Variants in MLLT11 observed in about 807,000 individuals in gnomAD.
MLLT11 encodes MLLT11 transcription factor 7 cofactor, also known as protein AF1q.
A neutral mutation model predicts 5.3 loss-of-function variants in MLLT11; 1 was observed. The observed-to-expected ratio is 0.19, with a 90% confidence interval of 0.07 to 0.89. The LOEUF (loss-of-function observed/expected upper bound fraction) is 0.89, where lower values mean the gene tolerates loss of function less well. MLLT11 is among the 40% of genes least tolerant of loss of function. MLLT11 has a pLI of 0.67. For synonymous variants in MLLT11, 38 were observed against 41.7 expected (o/e 0.91, Z 0.34); for missense variants, 87 against 107.3 (o/e 0.81, Z 0.83).
Position 151,068,990 on chromosome 1 carries a change from A to G in MLLT11, c.*1493A>G, listed in dbSNP as rs1676519698. 6.6e-6 allele frequency among the ~76,000 whole-genome samples: 1 copy of G among 152,240 alleles called. No individual in the cohort carries two copies. The highest frequency in any genetic ancestry group is 2.4e-5 in the African/African-American group (1 of 41,460). ...GCATTGAACAGATAATGAAAGGGCA[A>G]AATCAACTTAAAATTAGAAAAGTAG... On this transcript the variant is annotated 3_prime_UTR_variant, in exon 2 of 2. Transcript: ENST00000368921.
intron 1 of MLLT11, among the ~76,000 whole-genome samples, chr1:151,064,922 T>A (rs1676455148): frequency 6.6e-6 from 1 of 152,172 alleles, no homozygotes; most frequent in Admixed American, 6.5e-5. Context: ...TGGGAAGCAT[T>A]TATTGAATAT....
rs1411077671 is a variant in MLLT11, at chr1:151,067,748, C to G, written c.*251C>G. ...GGTCACAGGGATTCCTCCTTTCCCCCCCAAATATTAACTCCAGAAACTAGG... is the reference window on the plus strand; with the variant it reads ...GGTCACAGGGATTCCTCCTTTCCCCGCCAAATATTAACTCCAGAAACTAGG... On this transcript the variant is annotated 3_prime_UTR_variant, in exon 2 of 2. Transcript: ENST00000368921. The G allele has an allele frequency of 3.7e-6, 2 of 537,542 alleles. No individual in the cohort carries two copies. Among genetic ancestry groups the G allele is most frequent in the South Asian group, 5.0e-5 (2 of 40,388 alleles). The allele number at this position is 537,542 out of a possible 1,614,324, so 33.3% of individuals were successfully genotyped here.
At chr1:151,060,948 A>C (rs935880204) in intron 1 of MLLT11, among the ~76,000 whole-genome samples, 1 of 151,770 alleles carries the variant, frequency 6.6e-6, no homozygotes, top group Non-Finnish European at 1.5e-5. Context: ...GTAGTGTTCT[A>C]TGTTTCTCTG....
intron 1 of MLLT11, among the ~76,000 whole-genome samples, chr1:151,062,612 C>T (rs1302164968): frequency 1.3e-5 from 2 of 152,028 alleles, no homozygotes; most frequent in Admixed American, 1.3e-4. Context: ...CCACCTGCCT[C>T]GGCCTCCCAA....
At chr1:151,067,107 A>G (rs915879603) in intron 1 of MLLT11, 112 bp from the exon 2 acceptor site, 8 of 919,442 alleles carry the variant, frequency 8.7e-6, no homozygotes, top group Admixed American at 2.6e-5. Context: ...ATAGAAAAAA[A>G]AAAAAAAAAG....
chr1:151,065,160 T>TC (rs1406894931), intron 1 of MLLT11, among the ~76,000 whole-genome samples: 3 of 152,188 alleles, frequency 2.0e-5, no homozygotes, highest in Non-Finnish European at 2.9e-5. Flanking sequence ...CACTTTAACT[T>TC]CAATTTTCTG....
chr1:151,061,580 T>G (rs587668243), intron 1 of MLLT11, among the ~76,000 whole-genome samples: 5 of 152,180 alleles, frequency 3.3e-5, no homozygotes, highest in Non-Finnish European at 7.3e-5. Flanking sequence ...CAAAACCCTT[T>G]AAGTAAATGA....
At chr1:151,062,047 CTTT>C (rs796957993) in intron 1 of MLLT11, among the ~76,000 whole-genome samples, 1 of 145,932 alleles carries the variant, frequency 6.9e-6, no homozygotes, top group Non-Finnish European at 1.5e-5. Flanking sequence ...TGTCGAAGAG[CTTT>C]TTTTTTTTTC....
intron 1 of MLLT11, among the ~76,000 whole-genome samples, chr1:151,063,394 C>T (rs1676431767): frequency 6.6e-6 from 1 of 151,996 alleles, no homozygotes; most frequent in African/African-American, 2.4e-5. Flanking sequence ...GGGAACATTT[C>T]AACTAATGCT....
At chr1:151,060,799 A>G (rs1219289885) in intron 1 of MLLT11, among the ~76,000 whole-genome samples, 1 of 152,058 alleles carries the variant, frequency 6.6e-6, no homozygotes, top group Admixed American at 6.6e-5. Context: ...CCTTTTCTGT[A>G]ATTTATTGTC....
In MLLT11 at chr1:151,060,664, G is replaced by C. The variant is rs587728051; in HGVS notation, c.-7+111G>C. On this transcript the variant is annotated intron_variant, in intron 1 of 1. Transcript: ENST00000368921. ...TGGGGGACAGCTGAAGAGGAGAGAA[G>C]GGGGCGCTATGAACAATGGGTAGTT... 2.0e-5 allele frequency: 3 copies of C among 151,804 alleles called. No individual in the cohort carries two copies. The East Asian group carries it at 5.8e-4, about 29-fold the overall frequency. 9.4% of individuals were successfully genotyped at this position (151,804 alleles called of 1,614,324 possible). A position where few individuals can be genotyped will look rare whatever the true frequency, so the allele number is the denominator to read the frequency against.
Position 151,068,734 on chromosome 1 carries a change from G to A in MLLT11, c.*1237G>A, listed in dbSNP as rs770642771. ...CAGGTAGCTGGGATTACAGGCGCCT[G>A]CCACCAGGCCTGGTTAATTTTTGTA... is the stretch of plus-strand genomic sequence containing the variant. On this transcript the variant is annotated 3_prime_UTR_variant, in exon 2 of 2. Transcript: ENST00000368921. Among the ~76,000 whole-genome samples the A allele has an allele frequency of 5.3e-5, 8 of 152,150 alleles. No individual in the cohort carries two copies. The highest frequency in any genetic ancestry group is 1.2e-4 in the Non-Finnish European group (8 of 68,030).
At position 151,067,364 on chromosome 1, in the gene MLLT11, A is replaced by G. The variant is rs587658634; in HGVS notation, c.140A>G (p.Lys47Arg). The stretch of plus-strand genomic sequence containing the variant: ...AAGGTCAAAGACAGCAGCGTTGGCA[A>G]AATGATCGGGCAAGCAACTGCAGCA... ...TYKVKDSSVG[K>R]MIGQATAADQ... Residue 47 changes from lysine (K) to arginine (R), a missense_variant, in exon 2 of 2, where the codon AAA becomes AGA. Transcript: ENST00000368921. The G allele has an allele frequency of 1.2e-6, 2 of 1,614,028 alleles. No individual in the cohort carries two copies. Among genetic ancestry groups the G allele is most frequent in the African/African-American group, 2.7e-5 (2 of 74,926 alleles).
rs1676494407 is a variant in MLLT11, at chr1:151,067,717, G to A, written c.*220G>A. Reference sequence around the variant, plus strand: ...CAAAGTAAATGGTTCAAGCAATGGAGTACTGGGTCACAGGGATTCCTCCTT... The same window carrying A: ...CAAAGTAAATGGTTCAAGCAATGGAATACTGGGTCACAGGGATTCCTCCTT... On this transcript the variant is annotated 3_prime_UTR_variant, in exon 2 of 2. Coordinates refer to ENST00000368921, the MANE Select transcript of MLLT11 (RefSeq NM_006818.4). The A allele has an allele frequency of 1.7e-6, 1 of 594,590 alleles. No homozygotes were observed. The highest frequency in any genetic ancestry group is 2.2e-5 in the South Asian group (1 of 45,866). 36.8% of individuals were successfully genotyped at this position (594,590 alleles called of 1,614,324 possible).
Position 151,067,633 on chromosome 1 carries a change from GT to G in MLLT11, c.*138del. The G allele has an allele frequency of 3.1e-6, 3 of 966,798 alleles. No homozygotes were observed. Among genetic ancestry groups the G allele is most frequent in the Non-Finnish European group, 4.7e-6 (3 of 637,408 alleles). The allele number at this position is 966,798 out of a possible 1,614,324, so 59.9% of individuals were successfully genotyped here. On this transcript the variant is annotated 3_prime_UTR_variant, in exon 2 of 2. Coordinates refer to ENST00000368921, the MANE Select transcript of MLLT11 (RefSeq NM_006818.4). ...GTGCTGATGAATCTGCCAGAGTTGA[GT>G]TCTATGTATTTATTTATCTATCTGT...
chr1:151,063,525 G>A (rs1332124300), intron 1 of MLLT11, among the ~76,000 whole-genome samples: 4 of 151,740 alleles, frequency 2.6e-5, no homozygotes, highest in Admixed American at 6.6e-5. Flanking sequence ...TCCCAGGTTC[G>A]CGCCATTCTC....
rs1025315619 is a variant in MLLT11 at position 151,062,962 on chromosome 1, T to G, written c.-7+2409T>G. Reference sequence around the variant, plus strand: ...CTATGGAGATTATCAGAGTTGAGTATCATAGGATGATGACCTCACCTTTCC... The same window carrying G: ...CTATGGAGATTATCAGAGTTGAGTAGCATAGGATGATGACCTCACCTTTCC... On this transcript the variant is annotated intron_variant, in intron 1 of 1. Transcript: ENST00000368921. Among the ~76,000 whole-genome samples, 30 of 152,174 alleles carry G rather than the reference T, an allele frequency of 2.0e-4. 1 individual carries two copies. Among genetic ancestry groups the G allele is most frequent in the African/African-American group, 7.0e-4 (29 of 41,438 alleles).
intron 1 of MLLT11, 165 bp from the exon 2 acceptor site, chr1:151,067,054 T>C (rs1676484688): frequency 1.9e-6 from 1 of 531,708 alleles, no homozygotes; most frequent in Non-Finnish European, 3.1e-6. Context: ...CCCAAATTCC[T>C]TTTTACTGGT....
Position 151,068,756 on chromosome 1 carries a change from TG to T in MLLT11, c.*1260del, listed in dbSNP as rs1310377932. Reference sequence around the variant, plus strand: ...CCTGCCACCAGGCCTGGTTAATTTTTGTATTTTTCATAGAGACGGGGTTTCA... The same window carrying T: ...CCTGCCACCAGGCCTGGTTAATTTTTTATTTTTCATAGAGACGGGGTTTCA... On this transcript the variant is annotated 3_prime_UTR_variant, in exon 2 of 2. Transcript: ENST00000368921. 2.0e-5 allele frequency among the ~76,000 whole-genome samples: 3 copies of T among 152,160 alleles called. No homozygotes were observed. The highest frequency in any genetic ancestry group is 7.2e-5 in the African/African-American group (3 of 41,446).
Sources: gnomAD v4.1 joint callset for allele counts (sites outside exome capture counted in the v4.1 genomes callset) on GRCh38, gnomAD v4.1.1 for gene constraint, MANE v1.5 for transcripts, NCBI Gene and HGNC (gene_info 2026-07-23, HGNC 2026-07-21) for gene names.